Variants in SDK1 observed in about 807,000 individuals in gnomAD.
SDK1 encodes the protein protein sidekick-1.
A neutral mutation model predicts 245.5 loss-of-function variants in SDK1; 157 were observed. The observed-to-expected ratio is 0.64, with a 90% CI of 0.56 to 0.73. The LOEUF is 0.73. SDK1 is among the 30% of genes least tolerant of loss of function. The pLI is 0.00. For missense variants in SDK1, 3,583 were observed against 3,002.3 expected (o/e 1.19, Z -4.52); for synonymous variants, 1,647 against 1,278.5 (o/e 1.29, Z -6.15).
At chr7:4,137,323 G>A (rs769769774) in intron 28 of SDK1, among the ~76,000 whole-genome samples, 30 of 152,174 alleles carry the variant, frequency 2.0e-4, no homozygotes, top group African/African-American at 6.5e-4. Context: ...TAAAACGTCC[G>A]GATAGAAGTC....
chr7:3,398,490 C>T (rs1232931196), intron 1 of SDK1, among the ~76,000 whole-genome samples: 1 of 151,880 alleles, frequency 6.6e-6, no homozygotes, highest in Non-Finnish European at 1.5e-5. Context: ...TCCCCTAGGT[C>T]ACATAAAGTT....
intron 4 of SDK1, among the ~76,000 whole-genome samples, chr7:3,790,466 A>G (rs995705097): frequency 3.3e-5 from 5 of 152,176 alleles, no homozygotes; most frequent in African/African-American, 1.2e-4. Flanking sequence ...CTGAGAAATC[A>G]GAAGCGAATG....
At chr7:3,676,074 T>G (rs1783883652) in intron 4 of SDK1, among the ~76,000 whole-genome samples, 1 of 152,192 alleles carries the variant, frequency 6.6e-6, no homozygotes, top group South Asian at 2.1e-4. Flanking sequence ...CAAGCGATTC[T>G]TCCACCTCAG....
At chr7:3,990,352 C>A (rs998635) in intron 14 of SDK1, among the ~76,000 whole-genome samples, 2 of 152,078 alleles carry the variant, frequency 1.3e-5, no homozygotes, top group Non-Finnish European at 2.9e-5. Flanking sequence ...AACTCCCACT[C>A]GGGCCTCTTT....
At chr7:4,054,762 T>C (rs775231141) in intron 19 of SDK1, among the ~76,000 whole-genome samples, 2 of 152,182 alleles carry the variant, frequency 1.3e-5, no homozygotes, top group Non-Finnish European at 2.9e-5. Context: ...TTTAATCAAG[T>C]TGAAGTTATT....
At chr7:3,595,984 C>T (rs1781049703) in intron 1 of SDK1, among the ~76,000 whole-genome samples, 1 of 148,632 alleles carries the variant, frequency 6.7e-6, no homozygotes, top group South Asian at 2.1e-4. Context: ...ATACCATCTA[C>T]CTGATGCGGT....
intron 17 of SDK1, among the ~76,000 whole-genome samples, chr7:4,047,201 A>C (rs959256625): frequency 6.6e-6 from 1 of 152,172 alleles, no homozygotes; most frequent in African/African-American, 2.4e-5. Context: ...AAAAAATCAC[A>C]ATTGATTATT....
chr7:3,639,890 C>T (rs116363546), intron 3 of SDK1, among the ~76,000 whole-genome samples: 4,212 of 152,070 alleles, frequency 0.028, 196 homozygotes, highest in African/African-American at 0.097. Context: ...ATCTCTGTCT[C>T]TCAGGCTGGA....
At chr7:4,128,490 G>A (rs1442429439) in intron 26 of SDK1, among the ~76,000 whole-genome samples, 1 of 152,256 alleles carries the variant, frequency 6.6e-6, no homozygotes, top group African/African-American at 2.4e-5. Flanking sequence ...CGATCTCAGG[G>A]AGCAGTTCAG....
Position 3,341,641 on chromosome 7 carries a change from C to G in SDK1, c.298+39757C>G, listed in dbSNP as rs1216010828. On this transcript the variant is annotated intron_variant, in intron 1 of 44. Transcript: ENST00000404826. Reference sequence around the variant, plus strand: ...CAGGATCAACACAAAAACCATGTTTCTATACCCTAACAAAAAATATGCAGA... The same window carrying G: ...CAGGATCAACACAAAAACCATGTTTGTATACCCTAACAAAAAATATGCAGA... Among the ~76,000 whole-genome samples the G allele has an allele frequency of 3.9e-5, 6 of 152,166 alleles. No individual in the cohort carries two copies. In the South Asian group the frequency reaches 1.0e-3, roughly 26 times the overall value.
chr7:3,385,975 A>AT (rs1250240180), intron 1 of SDK1, among the ~76,000 whole-genome samples: 16 of 150,284 alleles, frequency 1.1e-4, no homozygotes, highest in South Asian at 4.2e-4. Context: ...CTCTGCATGG[A>AT]TTTTTTTTTT....
intron 5 of SDK1, among the ~76,000 whole-genome samples, chr7:3,942,635 A>G (rs1780410306): frequency 6.6e-6 from 1 of 152,130 alleles, no homozygotes; most frequent in African/African-American, 2.4e-5. Context: ...TAGACCAATT[A>G]TTTTTGGAGC....
rs547597621 is a variant in SDK1, at chr7:3,971,504, G to T, written c.1753G>T (p.Val585Leu). 6.2e-7 allele frequency: 1 copy of T among 1,613,814 alleles called. No homozygotes were observed. The highest frequency in any genetic ancestry group is 1.7e-4 in the Middle Eastern group (1 of 6,060). The change falls in exon 12 of 45, where the codon GTG (valine) becomes TTG (leucine). Residue 585 changes from valine to leucine, a missense_variant. Coordinates refer to ENST00000404826, the MANE Select transcript of SDK1 (RefSeq NM_152744.4). ...SIVHPPEDHVVIKGTTATLHC... is the reference protein window; with the variant it reads ...SIVHPPEDHVLIKGTTATLHC... ...CGTCCACCCTCCTGAGGACCACGTG[G>T]TGATTAAGGGGACCACGGCCACGCT... is the stretch of plus-strand genomic sequence containing the variant.
chr7:3,775,079 C>G (rs968304838), intron 4 of SDK1, among the ~76,000 whole-genome samples: 6 of 152,160 alleles, frequency 3.9e-5, no homozygotes, highest in Admixed American at 2.6e-4. Context: ...TTGTCCCACT[C>G]CTGTTCCTGG....
At chr7:3,493,577 C>G (rs1453928403) in intron 1 of SDK1, among the ~76,000 whole-genome samples, 2 of 152,184 alleles carry the variant, frequency 1.3e-5, no homozygotes, top group Admixed American at 1.3e-4. Context: ...ATGTGACTTT[C>G]TTGCACTATT....
At chr7:3,678,283 A>C (rs1783972426) in intron 4 of SDK1, among the ~76,000 whole-genome samples, 1 of 152,190 alleles carries the variant, frequency 6.6e-6, no homozygotes, top group South Asian at 2.1e-4. Context: ...TACCCCAAAT[A>C]ATTGAAAGCA....
rs116385360 is a variant in SDK1, at chr7:3,735,233, A to C, written c.714-86217A>C. On this transcript the variant is annotated intron_variant, in intron 4 of 44. Transcript: ENST00000404826. ...ATTTTATATATAATTCAATAGTGTT[A>C]AGTATGTTCCCATTGTTGTGCAACC... Among the ~76,000 whole-genome samples, 867 of 152,268 alleles carry C rather than the reference A, an allele frequency of 5.7e-3. 9 individuals are homozygous for C. The highest frequency in any genetic ancestry group is 0.02 in the African/African-American group (815 of 41,554).
chr7:3,469,001 T>C (rs950946983), intron 1 of SDK1, among the ~76,000 whole-genome samples: 1 of 152,226 alleles, frequency 6.6e-6, no homozygotes, highest in Non-Finnish European at 1.5e-5. Flanking sequence ...AATATTCTTA[T>C]TAACAACGTG....
At chr7:3,627,100 T>C (rs1782145745) in intron 2 of SDK1, among the ~76,000 whole-genome samples, 1 of 151,986 alleles carries the variant, frequency 6.6e-6, no homozygotes, top group African/African-American at 2.4e-5. Flanking sequence ...GCTAATTCTT[T>C]TATTTTTCTG....
Sources: allele counts gnomAD v4.1 joint callset (sites outside exome capture counted in the v4.1 genomes callset), GRCh38; gene constraint gnomAD v4.1.1; transcripts MANE v1.5; gene names NCBI Gene and HGNC (gene_info 2026-07-23, HGNC 2026-07-21).